The following MOXD1 variants were observed in gnomAD, a reference collection of about 807,000 sequenced individuals.
MOXD1 encodes the protein DBH-like monooxygenase protein 1.
A neutral mutation model predicts 66.6 loss-of-function variants in MOXD1; 62 were observed. That is an observed-to-expected ratio of 0.93 (90% CI 0.76 to 1.15). The LOEUF (loss-of-function observed/expected upper bound fraction) is 1.15. Among genes scored for constraint, MOXD1 ranks in the 50% most tolerant of loss-of-function variants. MOXD1 has a pLI of 0.00. For missense variants in MOXD1, 847 were observed against 754.6 expected (o/e 1.12, Z -1.44); for synonymous variants, 303 against 281.9 (o/e 1.07, Z -0.75).
chr6:132,362,722 A>G (rs779982580), intron 4 of MOXD1, among the ~76,000 whole-genome samples: 2 of 152,216 alleles, frequency 1.3e-5, no homozygotes, highest in Non-Finnish European at 2.9e-5. Flanking sequence ...CAGCTTAAAC[A>G]GAAAGCTTTT....
At chr6:132,318,106 T>G (rs1774997516) in intron 9 of MOXD1, among the ~76,000 whole-genome samples, 1 of 152,084 alleles carries the variant, frequency 6.6e-6, no homozygotes. Flanking sequence ...TTTTGATGGG[T>G]ATTTGAGAGA....
At chr6:132,312,807 TAAAAAAAAA>T (rs568849645) in intron 10 of MOXD1, among the ~76,000 whole-genome samples, 81 of 144,080 alleles carry the variant, frequency 5.6e-4, no homozygotes, top group Non-Finnish European at 1.0e-3. Flanking sequence ...CATTTAAACT[TAAAAAAAAA>T]AAATAGGCCA....
rs1774417877 is a variant in MOXD1 at position 132,297,099 on chromosome 6, T to C, written c.*54A>G. 2 of 1,576,420 alleles carry C rather than the reference T, an allele frequency of 1.3e-6. No individual in the cohort carries two copies. The highest frequency in any genetic ancestry group is 3.5e-5 in the Admixed American group (2 of 57,614). ...GTGGACACAGTCTTTAACCTGTACT[T>C]CAAATGACAGGTTCAGATCATAGAA... On this transcript the variant is annotated 3_prime_UTR_variant, in exon 12 of 12. Coordinates refer to ENST00000367963, the MANE Select transcript of MOXD1 (RefSeq NM_015529.4).
At chr6:132,299,945 T>C (rs1437977586) in intron 10 of MOXD1, among the ~76,000 whole-genome samples, 1 of 152,058 alleles carries the variant, frequency 6.6e-6, no homozygotes, top group African/African-American at 2.4e-5. Flanking sequence ...GCACATTGAA[T>C]ATCATCTTTT....
chr6:132,317,777 T>C (rs1394677527), intron 9 of MOXD1, among the ~76,000 whole-genome samples: 1 of 152,160 alleles, frequency 6.6e-6, no homozygotes, highest in African/African-American at 2.4e-5. Context: ...GACTACTCCA[T>C]GTGTGTCCAG....
intron 10 of MOXD1, among the ~76,000 whole-genome samples, chr6:132,312,983 T>C (rs1774864145): frequency 6.6e-6 from 1 of 152,162 alleles, no homozygotes; most frequent in Non-Finnish European, 1.5e-5. Context: ...TAAGGAACAA[T>C]ATAACATCAA....
intron 1 of MOXD1, among the ~76,000 whole-genome samples, chr6:132,394,262 A>G (rs564949764): frequency 6.6e-6 from 1 of 152,356 alleles, no homozygotes; most frequent in Non-Finnish European, 1.5e-5. Flanking sequence ...ACCTAGAGTC[A>G]AGGCCAAAGT....
At chr6:132,375,125 A>G in intron 1 of MOXD1, 1 of 345,616 alleles carries the variant, frequency 2.9e-6, no homozygotes, top group Non-Finnish European at 5.2e-6. Context: ...CATTTATACA[A>G]AAAAAGTTTG....
intron 9 of MOXD1, among the ~76,000 whole-genome samples, chr6:132,320,370 A>G (rs1775052066): frequency 6.6e-6 from 1 of 152,194 alleles, no homozygotes; most frequent in Non-Finnish European, 1.5e-5. Flanking sequence ...GAGAAAAATT[A>G]AAAGACTAAG....
intron 7 of MOXD1, 62 bp downstream of exon 7, chr6:132,323,869 C>A: frequency 6.9e-7 from 1 of 1,457,974 alleles, no homozygotes; most frequent in Non-Finnish European, 9.1e-7. Context: ...ATTTTTCACA[C>A]CACAGTTTCT....
At chr6:132,357,448 C>G (rs577855424) in intron 4 of MOXD1, among the ~76,000 whole-genome samples, 2 of 152,124 alleles carry the variant, frequency 1.3e-5, no homozygotes, top group African/African-American at 4.8e-5. Flanking sequence ...GTTCATCTGG[C>G]AGTCCAGTTC....
At chr6:132,363,398 TA>T (rs1473032146) in intron 4 of MOXD1, among the ~76,000 whole-genome samples, 1 of 152,024 alleles carries the variant, frequency 6.6e-6, no homozygotes, top group Non-Finnish European at 1.5e-5. Context: ...TGTCAAAAAA[TA>T]AAAAGTAGCT....
chr6:132,355,339 A>C (rs1178983775), intron 4 of MOXD1, among the ~76,000 whole-genome samples: 1 of 152,008 alleles, frequency 6.6e-6, no homozygotes, highest in Non-Finnish European at 1.5e-5. Context: ...TGCTTCCTCT[A>C]TCCCTGTATT....
chr6:132,382,559 T>C (rs1776532752), intron 1 of MOXD1, among the ~76,000 whole-genome samples: 1 of 152,190 alleles, frequency 6.6e-6, no homozygotes, highest in Non-Finnish European at 1.5e-5. Flanking sequence ...TAAAAATTAC[T>C]TGTTACACCT....
chr6:132,353,658 T>C (rs1263974726), intron 4 of MOXD1, among the ~76,000 whole-genome samples: 1 of 152,182 alleles, frequency 6.6e-6, no homozygotes, highest in Non-Finnish European at 1.5e-5. Context: ...TATCTTTCTG[T>C]GATGAATTTC....
intron 4 of MOXD1, among the ~76,000 whole-genome samples, chr6:132,346,959 T>C (rs1191690165): frequency 2.6e-5 from 4 of 152,192 alleles, no homozygotes; most frequent in Admixed American, 6.6e-5. Context: ...TAAGCCACAA[T>C]TGGATCAATT....
chr6:132,328,039 T>G lies in MOXD1; in HGVS notation c.920A>C (p.His307Pro), dbSNP rs761994258. ...LDPHYVLLEV[H>P]YDNPTYEEGL... ...TTCCTCATAAGTGGGATTATCATAA[T>G]GGACTTCTAGGAGCACATAATGCGG... Residue 307 changes from histidine (H) to proline (P), a missense_variant, in exon 6 of 12, where the codon CAT becomes CCT. Coordinates refer to ENST00000367963, the MANE Select transcript of MOXD1 (RefSeq NM_015529.4). 2.5e-6 allele frequency: 4 copies of G among 1,613,486 alleles called. No homozygotes were observed. In the South Asian group the frequency reaches 4.4e-5, roughly 18 times the overall value.
At chr6:132,381,377 C>A (rs1670521277) in intron 1 of MOXD1, among the ~76,000 whole-genome samples, 1 of 152,030 alleles carries the variant, frequency 6.6e-6, no homozygotes, top group African/African-American at 2.4e-5. Flanking sequence ...AGCCTTAATG[C>A]TGTCAATATT....
At chr6:132,300,145 G>C (rs1241746807) in intron 10 of MOXD1, among the ~76,000 whole-genome samples, 1 of 151,866 alleles carries the variant, frequency 6.6e-6, no homozygotes, top group Non-Finnish European at 1.5e-5. Context: ...AGTTTTAAAT[G>C]CATTATTTTA....
Sources: gnomAD v4.1 joint callset for allele counts (sites outside exome capture counted in the v4.1 genomes callset) on GRCh38, gnomAD v4.1.1 for gene constraint, MANE v1.5 for transcripts, NCBI Gene and HGNC (gene_info 2026-07-23, HGNC 2026-07-21) for gene names.